The following DNAH12 variants were observed in gnomAD, a reference collection of about 807,000 sequenced individuals.
The protein encoded by DNAH12 is axonemal beta dynein heavy chain 12.
In DNAH12, 285 loss-of-function variants were observed where a neutral mutation model predicts 371.5. The ratio of observed to expected loss-of-function variants is 0.77; its 90% CI spans 0.70 to 0.85. The LOEUF is 0.85. Ranked by LOEUF, DNAH12 falls within the 40% of genes least tolerant of loss-of-function variation. The pLI, the probability that DNAH12 is intolerant of heterozygous loss-of-function variation, is 0.00. For missense variants in DNAH12, 3,611 were observed against 3,689.4 expected (o/e 0.98, Z 0.55); for synonymous variants, 1,200 against 1,213.0 (o/e 0.99, Z 0.22).
chr3:57,445,994 A>AAAAT lies in DNAH12; in HGVS notation c.4179+33_4179+36dup, dbSNP rs372891308. ...TAGAGTAAGACTGTTTCAAAAACATAAAATAAATAAATAAATAAATAAATA... is the reference window on the plus strand; with the variant it reads ...TAGAGTAAGACTGTTTCAAAAACATAAAATAAATAAATAAATAAATAAATAAATA... On this transcript the variant is annotated intron_variant, in intron 27 of 73. Transcript: ENST00000495027. 13,737 of 1,444,644 alleles carry AAAAT rather than the reference A, an allele frequency of 9.5e-3. 78 individuals carry two copies. The highest frequency in any genetic ancestry group is 0.011 in the Non-Finnish European group (11,709 of 1,092,888). 89.5% of individuals were successfully genotyped at this position (1,444,644 alleles called of 1,614,324 possible).
At chr3:57,488,475 AGCCACCGT>A (rs1268677497) in intron 12 of DNAH12, among the ~76,000 whole-genome samples, 1 of 152,130 alleles carries the variant, frequency 6.6e-6, no homozygotes, top group African/African-American at 2.4e-5. Flanking sequence ...TACAGGCATG[AGCCACCGT>A]GCCTGCCTGG....
At chr3:57,301,601 C>G (rs1341640696) in intron 70 of DNAH12, 134 bp downstream of exon 70, 1 of 1,012,872 alleles carries the variant, frequency 9.9e-7, no homozygotes, top group African/African-American at 1.6e-5. Context: ...CAGCCAACAA[C>G]TAATATCTCC....
chr3:57,451,762 C>T (rs1489897570), intron 25 of DNAH12, among the ~76,000 whole-genome samples: 1 of 152,132 alleles, frequency 6.6e-6, no homozygotes. Flanking sequence ...AGGTGATGGT[C>T]AGGTGTTGTT....
chr3:57,486,437 G>T (rs1248255658), intron 12 of DNAH12, among the ~76,000 whole-genome samples: 3 of 151,738 alleles, frequency 2.0e-5, no homozygotes, highest in African/African-American at 7.3e-5. Flanking sequence ...GTAAGAAATA[G>T]AAATCGGTAT....
chr3:57,353,079 C>G lies in DNAH12; in HGVS notation c.9534-854G>C, dbSNP rs1041590676. Among the ~76,000 whole-genome samples, 36 of 152,062 alleles carry G rather than the reference C, an allele frequency of 2.4e-4. No homozygotes were observed. In the East Asian group the frequency reaches 6.6e-3, roughly 28 times the overall value. ...CGAGCCTGGGTAATGGAATGAGACT[C>G]CGTCTCAAAAAGAAAATAAAATGCA... is the stretch of plus-strand genomic sequence containing the variant. On this transcript the variant is annotated intron_variant, in intron 59 of 73. Transcript: ENST00000495027.
At chr3:57,552,629 G>T in the DNAH12 span, among the ~76,000 whole-genome samples, 1 of 152,130 alleles carries the variant, frequency 6.6e-6, no homozygotes, top group South Asian at 2.1e-4. Flanking sequence ...AAGCCACCAG[G>T]TATAGTGTCT....
rs2067665824 is a variant in DNAH12 at position 57,504,222 on chromosome 3, CTG to C, written c.898-20_898-19del. 6.3e-7 allele frequency: 1 copy of C among 1,597,426 alleles called. No homozygotes were observed. ...TCCTTTAGCTGCGTGATATAAATCA[CTG>C]TTACTTTAGAGAGTACAAATTCAAC... On this transcript the variant is annotated intron_variant, in intron 8 of 73. Coordinates refer to ENST00000495027, the MANE Select transcript of DNAH12 (RefSeq NM_001366028.2).
At position 57,446,220 on chromosome 3, in the gene DNAH12, G is replaced by A. The variant is rs933533471; in HGVS notation, c.3990C>T (p.Phe1330=). The change falls in exon 27 of 74, where the codon TTC becomes TTT. Residue 1330 remains phenylalanine, a synonymous_variant. Coordinates refer to ENST00000495027, the MANE Select transcript of DNAH12 (RefSeq NM_001366028.2). ...ACAACACTTCCAACTCAATTCGATT[G>A]AATTCATCAAAGCAAGCCCAAGCAC... ...SSGAWACFDE[F]NRIELEVLSV... The A allele has an allele frequency of 2.3e-5, 36 of 1,551,744 alleles. 1 individual carries two copies. Among genetic ancestry groups the A allele is most frequent in the Non-Finnish European group, 3.1e-5 (36 of 1,147,056 alleles).
Position 57,405,751 on chromosome 3 carries a change from G to A in DNAH12, c.6478C>T (p.Arg2160Ter), listed in dbSNP as rs782434468. 3.7e-5 allele frequency: 58 copies of A among 1,551,402 alleles called. No individual in the cohort carries two copies. The highest frequency in any genetic ancestry group is 1.7e-4 in the Middle Eastern group (1 of 6,014). Residue 2160 changes from arginine to a stop codon, truncating the protein, a stop_gained, in exon 41 of 74, where the codon CGA becomes TGA. Coordinates refer to ENST00000495027, the MANE Select transcript of DNAH12 (RefSeq NM_001366028.2). LOFTEE classifies it high-confidence loss of function. ...FYDRLINDDD[R>*]RWLFQLTKTV... ...TTAGTTAACTGGAACAGCCATCTTC[G>A]ATCATCATCATTAATGAGGCGATCA... is the stretch of plus-strand genomic sequence containing the variant.
At chr3:57,474,708 C>T (rs915026495) in intron 13 of DNAH12, among the ~76,000 whole-genome samples, 2 of 151,990 alleles carry the variant, frequency 1.3e-5, no homozygotes, top group Admixed American at 6.6e-5. Flanking sequence ...CCTGTAATCC[C>T]AACACTTTGG....
Position 57,470,721 on chromosome 3 carries a change from C to T in DNAH12, c.1912-85G>A. The T allele has an allele frequency of 3.5e-6, 4 of 1,144,578 alleles. No individual in the cohort carries two copies. The South Asian group carries it at 4.7e-5, about 14-fold the overall frequency. The allele number at this position is 1,144,578 out of a possible 1,614,324, so 70.9% of individuals were successfully genotyped here. On this transcript the variant is annotated intron_variant, in intron 15 of 73. Coordinates refer to ENST00000495027, the MANE Select transcript of DNAH12 (RefSeq NM_001366028.2). ...TCCTATGATACTGTGTACAATATGTCCTTGTATTTATACAACAAGTTTATT... is the reference window on the plus strand; with the variant it reads ...TCCTATGATACTGTGTACAATATGTTCTTGTATTTATACAACAAGTTTATT...
intron 2 of DNAH12, among the ~76,000 whole-genome samples, chr3:57,524,839 G>A (rs920867353): frequency 2.0e-5 from 3 of 152,160 alleles, no homozygotes; most frequent in Admixed American, 1.3e-4. Flanking sequence ...CCACCCAAAG[G>A]TGACAGTGTC....
chr3:57,444,919 G>T, intron 28 of DNAH12, 103 bp from the exon 29 acceptor site: 2 of 1,359,266 alleles, frequency 1.5e-6, no homozygotes, highest in Non-Finnish European at 1.9e-6. Flanking sequence ...CACCCCCCTG[G>T]CTAAAAGTCA....
intron 52 of DNAH12, among the ~76,000 whole-genome samples, chr3:57,377,595 T>C (rs966389406): frequency 6.6e-6 from 1 of 151,960 alleles, no homozygotes; most frequent in Non-Finnish European, 1.5e-5. Flanking sequence ...TGAATATGTT[T>C]TGGGTGTTTT....
chr3:57,424,387 C>G (rs2064690799), intron 35 of DNAH12, among the ~76,000 whole-genome samples: 1 of 149,656 alleles, frequency 6.7e-6, no homozygotes, highest in Non-Finnish European at 1.5e-5. Flanking sequence ...AGGAGAATCA[C>G]TTGAACCCAG....
intron 13 of DNAH12, among the ~76,000 whole-genome samples, chr3:57,473,669 T>G (rs2066435002): frequency 6.8e-6 from 1 of 147,500 alleles, no homozygotes; most frequent in Admixed American, 6.9e-5. Flanking sequence ...TTTTTGATTT[T>G]ATATTATACA....
At chr3:57,457,671 A>G (rs1304103543) in intron 22 of DNAH12, 50 bp downstream of exon 22, 3 of 1,480,136 alleles carry the variant, frequency 2.0e-6, no homozygotes, top group African/African-American at 2.8e-5. Flanking sequence ...AACCTCTTAA[A>G]CAAAGCATTT....
intron 11 of DNAH12, among the ~76,000 whole-genome samples, chr3:57,497,476 ATTCAATGAGTACAAGAT>A (rs1453754686): frequency 1.3e-5 from 2 of 152,248 alleles, no homozygotes; most frequent in African/African-American, 4.8e-5. Flanking sequence ...TGGCAAGATA[ATTCAATGAGTACAAGAT>A]AGTATTTTTG....
intron 29 of DNAH12, among the ~76,000 whole-genome samples, chr3:57,437,359 A>T (rs6779169): frequency 0.64 from 97,638 of 152,002 alleles, 31,591 homozygotes; most frequent in South Asian, 0.78. Flanking sequence ...TTGGTTAGGA[A>T]ATAGAAAGAC....
Sources: allele counts gnomAD v4.1 joint callset (sites outside exome capture counted in the v4.1 genomes callset), GRCh38; gene constraint gnomAD v4.1.1; transcripts MANE v1.5; gene names NCBI Gene and HGNC (gene_info 2026-07-23, HGNC 2026-07-21).